SVIL: variants seen among roughly 807,000 people sequenced by gnomAD.
SVIL encodes the protein supervillin.
Under a neutral mutation model 240.4 loss-of-function variants are expected in SVIL, and 101 were observed. That is an observed-to-expected ratio of 0.42 (90% CI 0.36 to 0.50). The LOEUF (loss-of-function observed/expected upper bound fraction) is 0.50, where lower values mean the gene tolerates loss of function less well. Among genes scored for constraint, SVIL ranks in the 20% least tolerant of loss-of-function variants. The probability of loss-of-function intolerance (pLI) is 0.01; values close to 1 mark genes in which losing one functional copy is unlikely to be tolerated. For synonymous variants in SVIL, 999 were observed against 1,100.0 expected, an observed-to-expected ratio of 0.91 and a Z score of 1.82; for missense variants, 2,512 against 2,818.7, an observed-to-expected ratio of 0.89 and a Z score of 2.46.
intron 1 of SVIL, among the ~76,000 whole-genome samples, chr10:29,586,207 G>A (rs1207413135): frequency 1.3e-5 from 2 of 152,180 alleles, no homozygotes; most frequent in Non-Finnish European, 2.9e-5. Flanking sequence ...AAAAGGAGAG[G>A]GGAGGCTGGT....
rs1189228939 is a variant in SVIL, at chr10:29,499,228, A to C, written c.3552T>G (p.Ile1184Met). Residue 1184 changes from isoleucine (I) to methionine (M), a missense_variant, in exon 18 of 38, where the codon ATT becomes ATG. Coordinates refer to ENST00000355867, the MANE Select transcript of SVIL (RefSeq NM_021738.3). ...VTESRESQMT[I>M]EERKQLITVR... ...CAGTGATGAGCTGCTTCCTCTCCTC[A>C]ATCGTCATTTGGCTCTCTCGACTTT... is the stretch of plus-strand genomic sequence containing the variant. 6.2e-7 allele frequency: 1 copy of C among 1,614,042 alleles called. No individual in the cohort carries two copies. The highest frequency in any genetic ancestry group is 8.5e-7 in the Non-Finnish European group (1 of 1,180,040).
intron 2 of SVIL, among the ~76,000 whole-genome samples, chr10:29,659,395 C>T (rs759504999): frequency 3.3e-5 from 5 of 152,150 alleles, no homozygotes; most frequent in African/African-American, 7.2e-5. Context: ...TTCTTACCGC[C>T]GGAAAAAGTC....
chr10:29,556,743 G>A (rs752938058), intron 3 of SVIL, among the ~76,000 whole-genome samples: 6 of 152,150 alleles, frequency 3.9e-5, no homozygotes, highest in Admixed American at 2.6e-4. Context: ...TGCGGCCTTG[G>A]GAGAGGAGGC....
chr10:29,700,403 G>A (rs1431874843), intron 1 of SVIL, among the ~76,000 whole-genome samples: 2 of 151,268 alleles, frequency 1.3e-5, no homozygotes, highest in Non-Finnish European at 2.9e-5. Context: ...GAAAAATTTT[G>A]GGCACACTGC....
chr10:29,633,097 A>G (rs1247448), intron 1 of SVIL, among the ~76,000 whole-genome samples: 128,597 of 152,122 alleles, frequency 0.85, 54,680 homozygotes, highest in African/African-American at 0.88. Flanking sequence ...TTAGCTGGAT[A>G]TGGTGCCAGG....
At chr10:29,492,533 C>G (rs58541333) in intron 21 of SVIL, among the ~76,000 whole-genome samples, 12 of 151,912 alleles carry the variant, frequency 7.9e-5, no homozygotes, top group Admixed American at 6.6e-4. Context: ...GCCGGCAAAC[C>G]CCTCCGCACT....
Position 29,484,764 on chromosome 10 carries a change from C to T in SVIL, c.4847G>A (p.Arg1616Gln), listed in dbSNP as rs1947234016. 6.2e-6 allele frequency: 10 copies of T among 1,613,866 alleles called. No individual in the cohort carries two copies. Among genetic ancestry groups the T allele is most frequent in the South Asian group, 2.2e-5 (2 of 91,044 alleles). Reference sequence around the variant, plus strand: ...CTTTGCCAGCTGAAATGCTATTTTTCGTTGTGCTAATGTGACTTCTTTCCC... The same window carrying T: ...CTTTGCCAGCTGAAATGCTATTTTTTGTTGTGCTAATGTGACTTCTTTCCC... Reference protein sequence around the residue: ...WHGKEVTLAQRKIAFQLAKHL... With the variant: ...WHGKEVTLAQQKIAFQLAKHL... The change falls in exon 27 of 38, where the codon CGA becomes CAA. Residue 1616 changes from arginine (R) to glutamine (Q), a missense_variant. Arg to Gln is a conservative substitution (Grantham distance 43). Transcript: ENST00000355867. This position sits in a 1 kb window ranked among gnomAD's most constrained non-coding sequence, Gnocchi z 4.7.
chr10:29,478,498 A>G (rs72802765), intron 29 of SVIL, among the ~76,000 whole-genome samples: 14,441 of 152,160 alleles, frequency 0.095, 862 homozygotes, highest in Non-Finnish European at 0.13. Context: ...GCTCAGACAG[A>G]GTAACTTTAC....
At chr10:29,587,508 G>A (rs978997240) in intron 1 of SVIL, among the ~76,000 whole-genome samples, 12 of 152,174 alleles carry the variant, frequency 7.9e-5, no homozygotes, top group African/African-American at 2.9e-4. Flanking sequence ...CTCTTCCAAG[G>A]CCGCACTGGG....
intron 1 of SVIL, among the ~76,000 whole-genome samples, chr10:29,577,792 A>T (rs943672236): frequency 3.3e-5 from 5 of 152,218 alleles, no homozygotes; most frequent in African/African-American, 1.2e-4. Context: ...AAACTATATA[A>T]TAAAGAAATT....
intron 1 of SVIL, among the ~76,000 whole-genome samples, chr10:29,725,374 T>C (rs1964232270): frequency 6.6e-6 from 1 of 152,104 alleles, no homozygotes; most frequent in Non-Finnish European, 1.5e-5. Flanking sequence ...CTTCAGGTCA[T>C]AACTGGGTCT....
rs150515464 is a variant in SVIL at position 29,563,040 on chromosome 10, G to C, written c.-51+161C>G. Among the ~76,000 whole-genome samples the C allele has an allele frequency of 7.2e-3, 1,096 of 152,282 alleles. 16 individuals carry two copies. The highest frequency in any genetic ancestry group is 0.025 in the African/African-American group (1,035 of 41,540). On this transcript the variant is annotated intron_variant, in intron 3 of 37. Transcript: ENST00000355867. ...AGGATTAAAAATGCATGGATGCATG[G>C]AGAGAGGGGGAAGGGAATTGAAGCT... is the stretch of plus-strand genomic sequence containing the variant.
chr10:29,509,326 G>GAGA (rs1949617095), intron 17 of SVIL, among the ~76,000 whole-genome samples: 1 of 56,210 alleles, frequency 1.8e-5, no homozygotes, highest in African/African-American at 5.4e-5. Context: ...AGAAGGAGGG[G>GAGA]GAGGGAGAGA....
At chr10:29,704,267 C>T (rs185810398) in intron 1 of SVIL, among the ~76,000 whole-genome samples, 3 of 152,306 alleles carry the variant, frequency 2.0e-5, no homozygotes, top group Admixed American at 1.3e-4. Flanking sequence ...TCACGCCACT[C>T]CCTAAACTTG....
Position 29,487,323 on chromosome 10 carries a change from C to T in SVIL, c.4349-24G>A, listed in dbSNP as rs372936534. The T allele has an allele frequency of 8.2e-5, 133 of 1,613,562 alleles. No homozygotes were observed. In the African/African-American group the frequency reaches 9.7e-4, roughly 12 times the overall value. On this transcript the variant is annotated intron_variant, in intron 23 of 37. Transcript: ENST00000355867. Reference sequence around the variant, plus strand: ...TCCTGAACACGAGGCAGACAGTCACCGTCTTTCCAGACAGAACGGGGATAG... The same window carrying T: ...TCCTGAACACGAGGCAGACAGTCACTGTCTTTCCAGACAGAACGGGGATAG...
chr10:29,719,295 CA>C (rs1045792344), intron 1 of SVIL, among the ~76,000 whole-genome samples: 8 of 152,162 alleles, frequency 5.3e-5, no homozygotes, highest in South Asian at 2.1e-4. Flanking sequence ...AATTATGGAA[CA>C]CTCGGTATAA....
intron 6 of SVIL, among the ~76,000 whole-genome samples, chr10:29,537,036 G>A (rs1418532072): frequency 6.6e-6 from 1 of 151,872 alleles, no homozygotes; most frequent in Admixed American, 6.6e-5. Context: ...AAGTTTTGCA[G>A]TGGCACGTTG....
intron 1 of SVIL, among the ~76,000 whole-genome samples, chr10:29,606,457 C>T (rs1047851572): frequency 4.6e-5 from 7 of 152,272 alleles, no homozygotes; most frequent in Admixed American, 3.3e-4. Flanking sequence ...TGTTATACTT[C>T]TTTCTTCTAT....
At chr10:29,529,997 C>A (rs1427948644) in intron 11 of SVIL, among the ~76,000 whole-genome samples, 153 bp from the exon 12 acceptor site, 1 of 151,950 alleles carries the variant, frequency 6.6e-6, no homozygotes, top group Non-Finnish European at 1.5e-5. Flanking sequence ...AAAGTGAGAC[C>A]CCCTCATCTC....
Sources: allele counts gnomAD v4.1 joint callset (sites outside exome capture counted in the v4.1 genomes callset), GRCh38; gene constraint gnomAD v4.1.1; non-coding constraint Gnocchi (gnomAD v3.1); transcripts MANE v1.5; gene names NCBI Gene and HGNC (gene_info 2026-07-23, HGNC 2026-07-21).